COG1: variants seen among roughly 807,000 people sequenced by gnomAD.
COG1 encodes the protein conserved oligomeric Golgi complex subunit 1.
COG1 carries 61 observed loss-of-function variants against 102.2 expected under a neutral mutation model. That is an observed-to-expected ratio of 0.60 (90% CI 0.49 to 0.74). The LOEUF (loss-of-function observed/expected upper bound fraction) is 0.74, where lower values mean the gene tolerates loss of function less well. Among genes scored for constraint, COG1 ranks in the 30% least tolerant of loss-of-function variants. The pLI is 0.00. For synonymous variants in COG1, 454 were observed against 493.6 expected (o/e 0.92, Z 1.06); for missense variants, 1,164 against 1,232.1 (o/e 0.94, Z 0.83).
chr17:73,196,258 C>T (rs938104963), intron 1 of COG1, among the ~76,000 whole-genome samples: 8 of 152,002 alleles, frequency 5.3e-5, no homozygotes, highest in Admixed American at 3.3e-4. Flanking sequence ...TGGTGGGAGA[C>T]GAAAGTTTGC....
rs773693157 is a variant in COG1, at chr17:73,208,380, G to A, written c.2872G>A (p.Val958Ile). 6.2e-6 allele frequency: 10 copies of A among 1,614,196 alleles called. No individual in the cohort carries two copies. The highest frequency in any genetic ancestry group is 8.5e-6 in the Non-Finnish European group (10 of 1,180,004). ...TCCTGGCTCCTTGTTCAGACAGCTT[G>A]TCAGTGAAGAAGACAACACGTCTGC... is the stretch of plus-strand genomic sequence containing the variant. The part of the protein sequence containing the change: ...TVPGSLFRQL[V>I]SEEDNTSAPS... The change falls in exon 14 of 14, where the codon GTC (valine) becomes ATC (isoleucine). Residue 958 changes from valine (V) to isoleucine (I), a missense_variant. Transcript: ENST00000299886.
chr17:73,201,286 G>T lies in COG1; in HGVS notation c.1459G>T (p.Ala487Ser). ...SESPNDLPSDAAWVSVANRGQ... is the reference protein window; with the variant it reads ...SESPNDLPSDSAWVSVANRGQ... ...GAGTCCTAATGACCTGCCTTCCGAT[G>T]CGGCCTGGGTCAGCGTGGCAAACCG... Residue 487 changes from alanine (A) to serine (S), a missense_variant, in exon 7 of 14, where the codon GCG becomes TCG. Transcript: ENST00000299886. 2 of 1,614,208 alleles carry T rather than the reference G, an allele frequency of 1.2e-6. No homozygotes were observed. The highest frequency in any genetic ancestry group is 2.2e-5 in the South Asian group (2 of 91,082).
intron 1 of COG1, among the ~76,000 whole-genome samples, chr17:73,195,830 T>C (rs1185821648): frequency 6.6e-6 from 1 of 152,212 alleles, no homozygotes; most frequent in Admixed American, 6.5e-5. Context: ...GGAGAATCAC[T>C]GGAACCCGGG....
At chr17:73,206,586 A>G in intron 11 of COG1, 122 bp from the exon 12 acceptor site, 1 of 762,466 alleles carries the variant, frequency 1.3e-6, no homozygotes, top group Non-Finnish European at 2.3e-6. Flanking sequence ...AAATGCACTC[A>G]GAACATTCCC....
Position 73,202,983 on chromosome 17 carries a change from C to CTCTTTTAT in COG1, c.2074-16_2074-15insCTTTTATT. 2 of 1,613,922 alleles carry CTCTTTTAT rather than the reference C, an allele frequency of 1.2e-6. No homozygotes were observed. The highest frequency in any genetic ancestry group is 1.7e-6 in the Non-Finnish European group (2 of 1,179,860). ...GGATCTGAGTGGCTTGTATGGATATCTGCCTTTTATTACCAGGTTTTGATT... is the reference window on the plus strand; with the variant it reads ...GGATCTGAGTGGCTTGTATGGATATCTCTTTTATTGCCTTTTATTACCAGGTTTTGATT... On this transcript the variant is annotated splice_polypyrimidine_tract_variant and intron_variant, in intron 7 of 13. Coordinates refer to ENST00000299886, the MANE Select transcript of COG1 (RefSeq NM_018714.3).
chr17:73,200,887 A>G, intron 6 of COG1, 111 bp downstream of exon 6: 3 of 1,090,706 alleles, frequency 2.8e-6, no homozygotes, highest in Non-Finnish European at 4.1e-6. Flanking sequence ...CCTGCTTAGT[A>G]ACAGATCCAG....
At chr17:73,206,614 A>G in intron 11 of COG1, 94 bp from the exon 12 acceptor site, 1 of 830,156 alleles carries the variant, frequency 1.2e-6, no homozygotes, top group South Asian at 1.4e-5. Context: ...ACAGTTAGAA[A>G]TACGGTAGCG....
In COG1 at chr17:73,203,154, G is replaced by A; in HGVS notation, c.2220+8G>A. 1 of 1,614,056 alleles carries A rather than the reference G, an allele frequency of 6.2e-7. No homozygotes were observed. Among genetic ancestry groups the A allele is most frequent in the South Asian group, 1.1e-5 (1 of 91,062 alleles). On this transcript the variant is annotated splice_region_variant and intron_variant, in intron 8 of 13. Coordinates refer to ENST00000299886, the MANE Select transcript of COG1 (RefSeq NM_018714.3). ...ATCCGACTCCCTGCACAGGTGAGCA[G>A]GGACCATGGGCTGAAAAAGGGAATA... is the stretch of plus-strand genomic sequence containing the variant.
At chr17:73,203,935 C>T in intron 9 of COG1, 142 bp downstream of exon 9, 1 of 930,622 alleles carries the variant, frequency 1.1e-6, no homozygotes, top group Admixed American at 2.0e-5. Flanking sequence ...TGTAAAAATG[C>T]TCTATCTTAG....
In COG1 at chr17:73,201,336, C is replaced by T; in HGVS notation, c.1509C>T (p.Leu503=). ...GGGGTCAGTTTGCCAGTAGCGGCCT[C>T]TCCATGAAAGCACAAGCCATCAGCC... ...ANRGQFASSG[L]SMKAQAISPC... The change falls in exon 7 of 14, where the codon CTC becomes CTT. Residue 503 remains leucine, a synonymous_variant. Coordinates refer to ENST00000299886, the MANE Select transcript of COG1 (RefSeq NM_018714.3). 1 of 1,614,228 alleles carries T rather than the reference C, an allele frequency of 6.2e-7. No individual in the cohort carries two copies.
In COG1 at chr17:73,208,490, C is replaced by T; in HGVS notation, c.*39C>T. 1.2e-6 allele frequency: 2 copies of T among 1,602,194 alleles called. No homozygotes were observed. Among genetic ancestry groups the T allele is most frequent in the Non-Finnish European group, 1.7e-6 (2 of 1,170,546 alleles). On this transcript the variant is annotated 3_prime_UTR_variant, in exon 14 of 14. Transcript: ENST00000299886. Reference sequence around the variant, plus strand: ...CTGTCTCTCCCTAAATAAATACTACCACATTATTTCTTCTAAAGGTGCCTC... The same window carrying T: ...CTGTCTCTCCCTAAATAAATACTACTACATTATTTCTTCTAAAGGTGCCTC...
rs1206205919 is a variant in COG1, at chr17:73,196,702, T to C, written c.511T>C (p.Ser171Pro). ...TAGTTCCCGATACAGTCCCGTCCTC[T>C]CCCGGTTTCCTATACTCATCCGGCA... ...SSSSRYSPVLSRFPILIRQVA... is the reference protein window; with the variant it reads ...SSSSRYSPVLPRFPILIRQVA... Residue 171 changes from serine to proline, a missense_variant, in exon 2 of 14, where the codon TCC becomes CCC. Ser to Pro is a moderately conservative substitution (Grantham distance 74). Transcript: ENST00000299886. 6.2e-7 allele frequency: 1 copy of C among 1,614,122 alleles called. No homozygotes were observed. Among genetic ancestry groups the C allele is most frequent in the Middle Eastern group, 1.6e-4 (1 of 6,062 alleles).
chr17:73,207,922 G>C (rs1308103551), intron 13 of COG1: 1 of 1,186,502 alleles, frequency 8.4e-7, no homozygotes, highest in South Asian at 1.7e-5. Context: ...TAAAAGTTGG[G>C]AGATGGTAGT....
At position 73,206,773 on chromosome 17, in the gene COG1, C is replaced by G; in HGVS notation, c.2685C>G (p.Ser895=). ...QLAPRSSTFN[S]QEPHNILPLA... ...CCCCCCGGAGCAGTACGTTCAACTC[C>G]CAAGAACCCCATAACATCCTGCCAC... Residue 895 remains serine (S), a synonymous_variant, in exon 12 of 14, where the codon TCC becomes TCG. Coordinates refer to ENST00000299886, the MANE Select transcript of COG1 (RefSeq NM_018714.3). 6.2e-7 allele frequency: 1 copy of G among 1,613,674 alleles called. No individual in the cohort carries two copies. Among genetic ancestry groups the G allele is most frequent in the Non-Finnish European group, 8.5e-7 (1 of 1,179,950 alleles).
intron 9 of COG1, chr17:73,205,328 T>G (rs1471047323): frequency 1.8e-6 from 1 of 543,178 alleles, no homozygotes; most frequent in African/African-American, 1.9e-5. Context: ...TCTGAGGCCT[T>G]TTTTAAGGGC....
Position 73,201,767 on chromosome 17 carries a change from G to C in COG1, c.1940G>C (p.Arg647Thr). 1 of 1,614,186 alleles carries C rather than the reference G, an allele frequency of 6.2e-7. No individual in the cohort carries two copies. The highest frequency in any genetic ancestry group is 8.5e-7 in the Non-Finnish European group (1 of 1,180,030). The stretch of plus-strand genomic sequence containing the variant: ...TCAGAGAAACCAGCAAGGGAGTTTA[G>C]GGCTCTGAGAAAACAGGGAAAGGTG... ...ESSEKPAREF[R>T]ALRKQGKVKT... The change falls in exon 7 of 14, where the codon AGG becomes ACG. Residue 647 changes from arginine to threonine, a missense_variant. Coordinates refer to ENST00000299886, the MANE Select transcript of COG1 (RefSeq NM_018714.3).
Position 73,200,602 on chromosome 17 carries a change from G to A in COG1, c.1107G>A (p.Leu369=). ...ACATTAAAAATGGGATCACCAACCTGCTCATGTACGTGAAGAGCATGAAGG... is the reference window on the plus strand; with the variant it reads ...ACATTAAAAATGGGATCACCAACCTACTCATGTACGTGAAGAGCATGAAGG... ...NEDIKNGITN[L]LMYVKSMKGL... The change falls in exon 6 of 14, where the codon CTG becomes CTA. Residue 369 remains leucine (L), a synonymous_variant. Transcript: ENST00000299886. The A allele has an allele frequency of 1.2e-6, 2 of 1,614,182 alleles. No homozygotes were observed. Among genetic ancestry groups the A allele is most frequent in the Non-Finnish European group, 1.7e-6 (2 of 1,180,036 alleles).
chr17:73,196,584 C>T lies in COG1; in HGVS notation c.393C>T (p.Ile131=), dbSNP rs147429178. ...TACTCTTAGAAATTCCGGAGAAGATCTGGAGCTCGATGGAAGCCTCTCAGT... is the reference window on the plus strand; with the variant it reads ...TACTCTTAGAAATTCCGGAGAAGATTTGGAGCTCGATGGAAGCCTCTCAGT... ...IKLLLEIPEK[I]WSSMEASQCL... The change falls in exon 2 of 14, where the codon ATC becomes ATT. Residue 131 remains isoleucine (I), a synonymous_variant. Transcript: ENST00000299886. 33 of 1,614,098 alleles carry T rather than the reference C, an allele frequency of 2.0e-5. No homozygotes were observed. In the East Asian group the frequency reaches 7.3e-4, roughly 36 times the overall value.
chr17:73,202,914 C>G (rs530694309), intron 7 of COG1, 86 bp from the exon 8 acceptor site: 2 of 1,423,002 alleles, frequency 1.4e-6, no homozygotes, highest in African/African-American at 1.4e-5. Flanking sequence ...GCAGCTTGAG[C>G]TGTTCTCAGG....
Sources: gnomAD v4.1 joint callset for allele counts (sites outside exome capture counted in the v4.1 genomes callset) on GRCh38, gnomAD v4.1.1 for gene constraint, MANE v1.5 for transcripts, NCBI Gene and HGNC (gene_info 2026-07-23, HGNC 2026-07-21) for gene names.